LMO3: variants seen among roughly 807,000 people sequenced by gnomAD.
The protein encoded by LMO3 is LIM domain only protein 3.
In LMO3, 2 loss-of-function variants were observed where a neutral mutation model predicts 15.8. That is an observed-to-expected ratio of 0.13 (90% confidence interval 0.05 to 0.40). The LOEUF (loss-of-function observed/expected upper bound fraction) is 0.40. LMO3 is among the 10% of genes least tolerant of loss of function. The pLI is 0.99. For missense variants in LMO3, 86 were observed against 182.2 expected (o/e 0.47, Z 3.04); for synonymous variants, 62 against 63.8 (o/e 0.97, Z 0.13).
chr12:16,605,649 G>T, intron 1 of LMO3: 1 of 1,019,512 alleles, frequency 9.8e-7, no homozygotes, highest in Non-Finnish European at 1.4e-6. Flanking sequence ...TTTTCCTATG[G>T]GCTGGGAGCA....
intron 2 of LMO3, among the ~76,000 whole-genome samples, chr12:16,575,067 T>A (rs1942950732): frequency 1.3e-5 from 2 of 152,184 alleles, no homozygotes; most frequent in African/African-American, 4.8e-5. Flanking sequence ...TGTTTATTTT[T>A]ACCTAGAAAA....
upstream of LMO3, chr12:16,608,716 GAGA>G (rs1383877857): frequency 2.0e-5 from 3 of 152,030 alleles, no homozygotes; most frequent in Non-Finnish European, 2.9e-5. This position sits in a 1 kb window ranked among gnomAD's most constrained non-coding sequence, Gnocchi z 4.1. Flanking sequence ...GAGAGAGAGA[GAGA>G]AGGAGAGACA....
chr12:16,581,418 C>T, intron 2 of LMO3, among the ~76,000 whole-genome samples: 1 of 152,130 alleles, frequency 6.6e-6, no homozygotes, highest in East Asian at 1.9e-4. Flanking sequence ...ATCTGTACAG[C>T]ACTTAGCACA....
intron 2 of LMO3, chr12:16,573,468 T>A (rs892680628): frequency 2.0e-5 from 3 of 152,178 alleles, no homozygotes; most frequent in African/African-American, 4.8e-5. Context: ...TCCACATGTA[T>A]AAATAAAGTA....
At chr12:16,561,399 T>C (rs1372540326) in intron 2 of LMO3, among the ~76,000 whole-genome samples, 1 of 152,100 alleles carries the variant, frequency 6.6e-6, no homozygotes, top group Non-Finnish European at 1.5e-5. Context: ...AATGCACTTT[T>C]TTACTAGGAA....
rs1941897027 is a variant in LMO3, at chr12:16,549,181, A to ATAT, written c.*2038_*2040dup. The ATAT allele has an allele frequency of 2.0e-5, 3 of 152,190 alleles. No individual in the cohort carries two copies. The highest frequency in any genetic ancestry group is 6.8e-3 in the Middle Eastern group (2 of 294). The allele number at this position is 152,190 out of a possible 1,614,324, so 9.4% of individuals were successfully genotyped here. A position where few individuals can be genotyped will look rare whatever the true frequency, so the allele number is the denominator to read the frequency against. On this transcript the variant is annotated 3_prime_UTR_variant, in exon 4 of 4. Transcript: ENST00000537304. ...CACTTTTCACTGATCTCTCCCCCAC[A>ATAT]TATTTTTAATTTGTCTTGCTTTGTT...
intron 2 of LMO3, among the ~76,000 whole-genome samples, chr12:16,590,067 C>T (rs1035973177): frequency 6.6e-6 from 1 of 152,014 alleles, no homozygotes; most frequent in East Asian, 1.9e-4. Context: ...ATATCCCAGC[C>T]CATTTTATAA....
chr12:16,576,911 C>T lies in LMO3; in HGVS notation c.207-16373G>A, dbSNP rs111508443. Among the ~76,000 whole-genome samples, 1 of 152,294 alleles carries T rather than the reference C, an allele frequency of 6.6e-6. No homozygotes were observed. The highest frequency in any genetic ancestry group is 2.4e-5 in the African/African-American group (1 of 41,572). On this transcript the variant is annotated intron_variant, in intron 2 of 3. Coordinates refer to ENST00000537304, the MANE Select transcript of LMO3 (RefSeq NM_018640.5). This position sits in a 1 kb window ranked among gnomAD's most constrained non-coding sequence, Gnocchi z 4.1. ...AGAAATGATTATACCACCCTCCCCA[C>T]GTTCTTTCCTAAACTATCTATTTTA...
Position 16,596,261 on chromosome 12 carries a change from A to G in LMO3, c.206+4394T>C, listed in dbSNP as rs1943654117. Among the ~76,000 whole-genome samples the G allele has an allele frequency of 6.6e-6, 1 of 151,614 alleles. No individual in the cohort carries two copies. On this transcript the variant is annotated intron_variant, in intron 2 of 3. Transcript: ENST00000537304. This position sits in a 1 kb window ranked among gnomAD's most constrained non-coding sequence, Gnocchi z 4.3. Reference sequence around the variant, plus strand: ...AAATCATTTTAGTTAATTAGCAACTATGGTGAAGCATGAAGCATCACTCTT... The same window carrying G: ...AAATCATTTTAGTTAATTAGCAACTGTGGTGAAGCATGAAGCATCACTCTT...
intron 3 of LMO3, among the ~76,000 whole-genome samples, chr12:16,554,957 C>T (rs558251223): frequency 1.6e-4 from 25 of 152,320 alleles, no homozygotes; most frequent in Non-Finnish European, 3.4e-4. Context: ...CCACCGCGCC[C>T]GGCCAGGTTT....
chr12:16,586,868 AT>A lies in LMO3; in HGVS notation c.206+13786del, dbSNP rs1360253152. Among the ~76,000 whole-genome samples the A allele has an allele frequency of 6.6e-6, 1 of 152,176 alleles. No individual in the cohort carries two copies. The highest frequency in any genetic ancestry group is 1.5e-5 in the Non-Finnish European group (1 of 68,046). ...ACTGGATGACAGATTTGTTTTTAAAATGGTAAAATTAGACAATACGTCTCAT... is the reference window on the plus strand; with the variant it reads ...ACTGGATGACAGATTTGTTTTTAAAAGGTAAAATTAGACAATACGTCTCAT... On this transcript the variant is annotated intron_variant, in intron 2 of 3. Transcript: ENST00000537304. The surrounding 1 kb of genome is among the most constrained non-coding windows in gnomAD (Gnocchi z 4.3).
In LMO3 at chr12:16,593,675, T is replaced by C. The variant is rs1311284503; in HGVS notation, c.206+6980A>G. On this transcript the variant is annotated intron_variant, in intron 2 of 3. Coordinates refer to ENST00000537304, the MANE Select transcript of LMO3 (RefSeq NM_018640.5). The surrounding 1 kb of genome is among the most constrained non-coding windows in gnomAD (Gnocchi z 4.2). ...GAAGATAGAAAACGTTTGGCTTCTA[T>C]AATAAGAGGATATGCTTAGGTCCTA... Among the ~76,000 whole-genome samples the C allele has an allele frequency of 6.6e-6, 1 of 151,730 alleles. No homozygotes were observed. The highest frequency in any genetic ancestry group is 1.5e-5 in the Non-Finnish European group (1 of 67,736).
intron 1 of LMO3, chr12:16,605,375 G>A (rs1256834423): frequency 2.5e-6 from 3 of 1,183,704 alleles, no homozygotes; most frequent in Non-Finnish European, 3.1e-6. Flanking sequence ...AATCTATTAG[G>A]ATATAGGCAC....
intron 2 of LMO3, among the ~76,000 whole-genome samples, chr12:16,583,403 G>A (rs1213160215): frequency 6.6e-6 from 1 of 152,022 alleles, no homozygotes; most frequent in African/African-American, 2.4e-5. Context: ...AAAATCTTGG[G>A]TACAGCCATA....
rs1223600562 is a variant in LMO3 at position 16,594,617 on chromosome 12, C to A, written c.206+6038G>T. 4.0e-5 allele frequency among the ~76,000 whole-genome samples: 6 copies of A among 151,490 alleles called. No homozygotes were observed. In the East Asian group the frequency reaches 7.7e-4, roughly 19 times the overall value. The stretch of plus-strand genomic sequence containing the variant: ...TACGAGTTGGAAAAATGTTTTCAAA[C>A]CAAATACCAAAATAAGACTTCAGTG... On this transcript the variant is annotated intron_variant, in intron 2 of 3. Coordinates refer to ENST00000537304, the MANE Select transcript of LMO3 (RefSeq NM_018640.5).
chr12:16,560,571 A>T lies in LMO3; in HGVS notation c.207-33T>A, dbSNP rs775470192. 1.3e-6 allele frequency: 2 copies of T among 1,586,106 alleles called. No homozygotes were observed. The highest frequency in any genetic ancestry group is 1.7e-5 in the Admixed American group (1 of 57,518). ...AAGAAACATTTTTTTTTTTTTACAA[A>T]CTCTTACAGAGAAATCTGAGATCGT... is the stretch of plus-strand genomic sequence containing the variant. On this transcript the variant is annotated intron_variant, in intron 2 of 3. Coordinates refer to ENST00000537304, the MANE Select transcript of LMO3 (RefSeq NM_018640.5). This position sits in a 1 kb window ranked among gnomAD's most constrained non-coding sequence, Gnocchi z 5.0.
chr12:16,567,030 A>G (rs1033091025), intron 2 of LMO3, among the ~76,000 whole-genome samples: 2 of 152,154 alleles, frequency 1.3e-5, no homozygotes, highest in Admixed American at 6.5e-5. Context: ...CCCCATCTCT[A>G]CTAAAAATAT....
rs1167955090 is a variant in LMO3 at position 16,586,163 on chromosome 12, A to G, written c.206+14492T>C. 6.6e-6 allele frequency among the ~76,000 whole-genome samples: 1 copy of G among 152,198 alleles called. No individual in the cohort carries two copies. The highest frequency in any genetic ancestry group is 1.5e-5 in the Non-Finnish European group (1 of 68,028). ...TAAATTAAAAACCATCACAAGGAAT[A>G]ATTCAACATCCAGTTTTTCAGGTAA... On this transcript the variant is annotated intron_variant, in intron 2 of 3. Transcript: ENST00000537304. This position sits in a 1 kb window ranked among gnomAD's most constrained non-coding sequence, Gnocchi z 4.3.
At chr12:16,578,287 C>T (rs766066) in intron 2 of LMO3, among the ~76,000 whole-genome samples, 39,504 of 152,078 alleles carry the variant, frequency 0.26, 6,272 homozygotes, top group South Asian at 0.39. Context: ...CTTGTATAAA[C>T]TACTCAAGTT....
Sources: gnomAD v4.1 joint callset for allele counts (sites outside exome capture counted in the v4.1 genomes callset) on GRCh38, gnomAD v4.1.1 for gene constraint, Gnocchi (gnomAD v3.1) non-coding constraint, MANE v1.5 for transcripts, NCBI Gene and HGNC (gene_info 2026-07-23, HGNC 2026-07-21) for gene names.